SRP54: variants seen among roughly 807,000 people sequenced by gnomAD.
SRP54 encodes signal recognition particle 54.
In SRP54, 10 loss-of-function variants were observed where a neutral mutation model predicts 64.8. The ratio of observed to expected loss-of-function variants is 0.15; its 90% CI spans 0.10 to 0.26. The LOEUF is 0.26. Ranked by LOEUF, SRP54 falls within the 10% of genes least tolerant of loss-of-function variation. The pLI is 1.00. For missense variants in SRP54, 325 were observed against 613.7 expected (o/e 0.53, Z 4.97); for synonymous variants, 193 against 185.6 (o/e 1.04, Z -0.32).
Position 35,013,279 on chromosome 14 carries a change from A to G in SRP54, c.637-67A>G, listed in dbSNP as rs956874773. ...TCTAAATATTGTTTTATAGCTTCTA[A>G]TGATGACATTTGCTTAGGATCAATA... On this transcript the variant is annotated intron_variant, in intron 8 of 15. Transcript: ENST00000216774. 7 of 1,438,472 alleles carry G rather than the reference A, an allele frequency of 4.9e-6. No homozygotes were observed. In the African/African-American group the frequency reaches 1.0e-4, roughly 21 times the overall value. The allele number at this position is 1,438,472 out of a possible 1,614,324, so 89.1% of individuals were successfully genotyped here. A position where few individuals can be genotyped will look rare whatever the true frequency, so the allele number is the denominator to read the frequency against.
chr14:34,996,866 G>T (rs1035598002), intron 2 of SRP54, 79 bp downstream of exon 2: 10 of 997,730 alleles, frequency 1.0e-5, no homozygotes, highest in Non-Finnish European at 1.3e-5. Context: ...CATAATCCCT[G>T]TATTTATATG....
rs141398504 is a variant in SRP54, at chr14:35,017,419, T to C, written c.974-1273T>C. ...CTGTTTTCAGACTCTAAGTTCTATG[T>C]CTGTGGATTTCTTATATTATTCTAG... On this transcript the variant is annotated intron_variant, in intron 11 of 15. Transcript: ENST00000216774. 3.0e-3 allele frequency among the ~76,000 whole-genome samples: 459 copies of C among 152,344 alleles called. 3 individuals are homozygous for C. Among genetic ancestry groups the C allele is most frequent in the African/African-American group, 0.011 (443 of 41,582 alleles).
intron 5 of SRP54, among the ~76,000 whole-genome samples, 184 bp downstream of exon 5, chr14:35,007,571 C>CATAAAATATATTTATATTATA (rs2044278297): frequency 9.4e-6 from 1 of 106,122 alleles, no homozygotes; most frequent in Non-Finnish European, 2.3e-5. Context: ...AATATATTTA[C>CATAAAATATATTTATATTATA]ATAAAATATA....
At chr14:35,010,307 G>A (rs1457641589) in intron 7 of SRP54, among the ~76,000 whole-genome samples, 1 of 151,978 alleles carries the variant, frequency 6.6e-6, no homozygotes, top group Non-Finnish European at 1.5e-5. Context: ...ATAACTGGAC[G>A]TGGTGGCGTG....
At position 35,028,075 on chromosome 14, in the gene SRP54, T is replaced by G; in HGVS notation, c.1328-13T>G. The G allele has an allele frequency of 6.3e-7, 1 of 1,597,086 alleles. No individual in the cohort carries two copies. Among genetic ancestry groups the G allele is most frequent in the South Asian group, 1.1e-5 (1 of 88,704 alleles). On this transcript the variant is annotated splice_polypyrimidine_tract_variant and intron_variant, in intron 14 of 15. Coordinates refer to ENST00000216774, the MANE Select transcript of SRP54 (RefSeq NM_003136.4). ...CCTACGCTGACTCAAAATCTTTTTTTTTTTCCCCTCAGGTGGCGACATGTC... is the reference window on the plus strand; with the variant it reads ...CCTACGCTGACTCAAAATCTTTTTTGTTTTCCCCTCAGGTGGCGACATGTC...
In SRP54 at chr14:35,014,660, G is replaced by A. The variant is rs537025426; in HGVS notation, c.887-84G>A. The A allele has an allele frequency of 7.6e-4, 788 of 1,036,316 alleles. 1 individual carries two copies. Among genetic ancestry groups the A allele is most frequent in the Non-Finnish European group, 1.1e-3 (747 of 677,806 alleles). The allele number at this position is 1,036,316 out of a possible 1,614,324, so 64.2% of individuals were successfully genotyped here. A position where few individuals can be genotyped will look rare whatever the true frequency, so the allele number is the denominator to read the frequency against. ...ACCTAACCTATTATAACCTCACAAG[G>A]TTATTATGTATGTGAATGTGTTTTG... is the stretch of plus-strand genomic sequence containing the variant. On this transcript the variant is annotated intron_variant, in intron 10 of 15. Coordinates refer to ENST00000216774, the MANE Select transcript of SRP54 (RefSeq NM_003136.4).
intron 14 of SRP54, among the ~76,000 whole-genome samples, chr14:35,025,624 C>G (rs2044608998): frequency 6.6e-6 from 1 of 152,176 alleles, no homozygotes; most frequent in African/African-American, 2.4e-5. Flanking sequence ...TCACACCAAA[C>G]TTGAAATACT....
intron 1 of SRP54, among the ~76,000 whole-genome samples, chr14:34,994,698 A>G (rs1008021881): frequency 2.6e-5 from 4 of 151,662 alleles, no homozygotes; most frequent in Non-Finnish European, 5.9e-5. Flanking sequence ...CTCAAATTCT[A>G]CTCTTATTTC....
chr14:34,998,497 A>G (rs147710794), intron 2 of SRP54, among the ~76,000 whole-genome samples: 340 of 152,204 alleles, frequency 2.2e-3, no homozygotes, highest in Middle Eastern at 6.8e-3. Context: ...ATTTACTTCC[A>G]TAATTGTCCA....
At chr14:35,010,373 G>A (rs1048656851) in intron 7 of SRP54, among the ~76,000 whole-genome samples, 13 of 152,100 alleles carry the variant, frequency 8.5e-5, no homozygotes, top group African/African-American at 3.1e-4. Context: ...TTGAACCCGG[G>A]AGGCAGAGGT....
At chr14:35,023,493 A>G (rs1168913422) in intron 14 of SRP54, among the ~76,000 whole-genome samples, 2 of 152,080 alleles carry the variant, frequency 1.3e-5, no homozygotes, top group Admixed American at 6.6e-5. Flanking sequence ...TCTTCAAAAC[A>G]TAATTCTTGG....
intron 1 of SRP54, 28 bp downstream of exon 1, chr14:34,983,243 A>C (rs2043834573): frequency 6.6e-6 from 1 of 152,258 alleles, no homozygotes; most frequent in Non-Finnish European, 1.5e-5. Flanking sequence ...CCCGCCCCAG[A>C]CTACGGAGGG....
chr14:35,021,389 G>A (rs2044527172), intron 13 of SRP54, among the ~76,000 whole-genome samples: 1 of 152,122 alleles, frequency 6.6e-6, no homozygotes, highest in South Asian at 2.1e-4. Flanking sequence ...CAGCATTTTG[G>A]GAGGCTGAGG....
rs1408854882 is a variant in SRP54 at position 35,018,979 on chromosome 14, GT to G, written c.1065del (p.Phe355LeufsTer6). The stretch of plus-strand genomic sequence containing the variant: ...AATCTGTTGTAGGGGATGATCCCTG[GT>G]TTTGGGACAGATTTTATGAGCAAAG... ...PFSQILGMIP[G>X]FGTDFMSKGN... On this transcript the variant is annotated frameshift_variant, in exon 13 of 16. Coordinates refer to ENST00000216774, the MANE Select transcript of SRP54 (RefSeq NM_003136.4). LOFTEE classifies it high-confidence loss of function. The G allele has an allele frequency of 6.2e-7, 1 of 1,613,644 alleles. No individual in the cohort carries two copies. Among genetic ancestry groups the G allele is most frequent in the Non-Finnish European group, 8.5e-7 (1 of 1,179,812 alleles).
intron 3 of SRP54, 199 bp downstream of exon 3, chr14:34,999,848 G>T: frequency 5.2e-6 from 2 of 385,840 alleles, no homozygotes; most frequent in Non-Finnish European, 9.4e-6. Flanking sequence ...TAAACTACAT[G>T]TGATTTTCAT....
intron 1 of SRP54, among the ~76,000 whole-genome samples, chr14:34,991,196 C>G (rs2043972216): frequency 6.9e-6 from 1 of 145,422 alleles, no homozygotes; most frequent in African/African-American, 2.6e-5. Context: ...GTGGCACGAT[C>G]TGGGCTCACT....
intron 12 of SRP54, 61 bp downstream of exon 12, chr14:35,018,826 A>G (rs1299580056): frequency 6.6e-7 from 1 of 1,504,182 alleles, no homozygotes; most frequent in Admixed American, 1.9e-5. Flanking sequence ...TAAAATAGAT[A>G]CACTTGCTTT....
In SRP54 at chr14:35,007,321, A is replaced by C; in HGVS notation, c.294A>C (p.Lys98Asn). 1.3e-6 allele frequency: 2 copies of C among 1,594,874 alleles called. No individual in the cohort carries two copies. The highest frequency in any genetic ancestry group is 1.7e-6 in the Non-Finnish European group (2 of 1,166,978). ...GAGTTAAGGCATGGACACCCACTAA[A>C]GGAAAACAAAATGTGATTATGTTTG... ...DPGVKAWTPT[K>N]GKQNVIMFVG... The change falls in exon 5 of 16, where the codon AAA becomes AAC. Residue 98 changes from lysine to asparagine, a missense_variant. Lys to Asn is a moderately conservative substitution (Grantham distance 94, BLOSUM62 0). This residue lies in a region of SRP54 where 156 missense variants were observed against 254.6 expected (regional missense o/e 0.61). Transcript: ENST00000216774.
In SRP54 at chr14:34,998,963, CTT is replaced by C. The variant is rs1199450797; in HGVS notation, c.79-593_79-592del. ...GGCTTGAATATTGTCTTTATTATTA[CTT>C]TGTGTGTATGTGTGTGTGTGTGTGT... On this transcript the variant is annotated intron_variant, in intron 2 of 15. Transcript: ENST00000216774. 3.2e-4 allele frequency among the ~76,000 whole-genome samples: 36 copies of C among 111,170 alleles called. 1 individual carries two copies. The highest frequency in any genetic ancestry group is 5.6e-4 in the Non-Finnish European group (29 of 52,038). The allele number at this position is 111,170 out of a possible 152,430, so 72.9% of individuals were successfully genotyped here. A position where few individuals can be genotyped will look rare whatever the true frequency, so the allele number is the denominator to read the frequency against.
Sources: gnomAD v4.1 joint callset for allele counts (sites outside exome capture counted in the v4.1 genomes callset) on GRCh38, gnomAD v4.1.1 for gene constraint, gnomAD v4.1.1 regional missense constraint, MANE v1.5 for transcripts, NCBI Gene and HGNC (gene_info 2026-07-23, HGNC 2026-07-21) for gene names.